Variants in MON2 observed in about 807,000 individuals in gnomAD.
MON2 encodes MON2 regulator of endosome-to-Golgi trafficking.
MON2 carries 84 observed loss-of-function variants against 208.6 expected under a neutral mutation model. The ratio of observed to expected loss-of-function variants is 0.40; its 90% confidence interval spans 0.34 to 0.48. The LOEUF is 0.48. Ranked by LOEUF, MON2 falls within the 20% of genes least tolerant of loss-of-function variation. MON2 has a pLI of 0.59. For synonymous variants in MON2, 660 were observed against 694.0 expected, an observed-to-expected ratio of 0.95 and a Z score of 0.77; for missense variants, 1,611 against 2,015.4, an observed-to-expected ratio of 0.80 and a Z score of 3.84.
rs559439127 is a variant in MON2, at chr12:62,598,828, A to G, written c.*6079A>G. 1.4e-4 allele frequency: 21 copies of G among 152,316 alleles called. No homozygotes were observed. The South Asian group carries it at 2.3e-3, about 17-fold the overall frequency. The allele number at this position is 152,316 out of a possible 1,614,324, so 9.4% of individuals were successfully genotyped here. A position where few individuals can be genotyped will look rare whatever the true frequency, so the allele number is the denominator to read the frequency against. On this transcript the variant is annotated 3_prime_UTR_variant, in exon 35 of 35. Coordinates refer to ENST00000393630, the MANE Select transcript of MON2 (RefSeq NM_015026.3). The stretch of plus-strand genomic sequence containing the variant: ...GATTTTTCATGAAAGCTATATAGTT[A>G]TAACTGTGATTGTACAGATTGTTTA...
chr12:62,500,396 A>T (rs1279988893), intron 5 of MON2, among the ~76,000 whole-genome samples: 1 of 152,174 alleles, frequency 6.6e-6, no homozygotes, highest in Non-Finnish European at 1.5e-5. Flanking sequence ...GAAAATAGTG[A>T]AATGGTAGAG....
chr12:62,510,852 T>C lies in MON2; in HGVS notation c.984+2372T>C, dbSNP rs78210975. ...CACATTGGAAAGGAAGAAGTAACAT[T>C]ATCTCTGTTTGCTAATGTATGTTTT... On this transcript the variant is annotated intron_variant, in intron 8 of 34. Coordinates refer to ENST00000393630, the MANE Select transcript of MON2 (RefSeq NM_015026.3). Among the ~76,000 whole-genome samples the C allele has an allele frequency of 8.4e-3, 1,278 of 152,290 alleles. 18 individuals are homozygous for C. Among genetic ancestry groups the C allele is most frequent in the African/African-American group, 0.028 (1,181 of 41,546 alleles).
intron 26 of MON2, among the ~76,000 whole-genome samples, chr12:62,562,571 G>A (rs2074238249): frequency 6.6e-6 from 1 of 151,916 alleles, no homozygotes; most frequent in East Asian, 1.9e-4. Context: ...TTTTTAATGG[G>A]TTTCTAGTAT....
chr12:62,561,762 A>C (rs1254673105), intron 26 of MON2, among the ~76,000 whole-genome samples: 2 of 152,168 alleles, frequency 1.3e-5, no homozygotes, highest in South Asian at 4.1e-4. Context: ...AAAAATGCCA[A>C]CTGAGTAGCC....
At chr12:62,566,075 A>G in intron 28 of MON2, 44 bp downstream of exon 28, 2 of 1,569,898 alleles carry the variant, frequency 1.3e-6, no homozygotes, top group Non-Finnish European at 1.7e-6. Context: ...TTGGCAACAA[A>G]TAAAGTACAT....
rs919704919 is a variant in MON2, at chr12:62,489,950, T to G, written c.176-3965T>G. On this transcript the variant is annotated intron_variant, in intron 2 of 34. Coordinates refer to ENST00000393630, the MANE Select transcript of MON2 (RefSeq NM_015026.3). ...GAATTGAAGTTTATTTTTTAATGGC[T>G]GTTAAAATTTTTCACAATAAAACTT... The G allele has an allele frequency of 5.6e-6, 4 of 711,026 alleles. No homozygotes were observed. In the African/African-American group the frequency reaches 7.6e-5, roughly 14 times the overall value. The allele number at this position is 711,026 out of a possible 1,614,324, so 44.0% of individuals were successfully genotyped here.
chr12:62,499,178 A>G, intron 5 of MON2, 130 bp downstream of exon 5: 9 of 943,952 alleles, frequency 9.5e-6, no homozygotes, highest in Non-Finnish European at 1.3e-5. Flanking sequence ...TAAATTCCTC[A>G]CAATTTGATC....
At chr12:62,557,960 ATATTTTTTTTTT>A (rs1350228467) in intron 25 of MON2, among the ~76,000 whole-genome samples, 2 of 24,482 alleles carry the variant, frequency 8.2e-5, no homozygotes, top group East Asian at 3.1e-3. Context: ...ATATATATAT[ATATTTTTTTTTT>A]TTTTTTTTTT....
At chr12:62,475,690 A>T (rs1592806223) in intron 1 of MON2, among the ~76,000 whole-genome samples, 1 of 147,084 alleles carries the variant, frequency 6.8e-6, no homozygotes, top group East Asian at 2.2e-4. Context: ...AGCGTGAGCC[A>T]CCACACCCAT....
chr12:62,584,611 G>A (rs1337698234), intron 32 of MON2, among the ~76,000 whole-genome samples: 9 of 149,206 alleles, frequency 6.0e-5, no homozygotes, highest in African/African-American at 2.2e-4. Context: ...GCTGAGGCAG[G>A]AGAATTGCTT....
intron 24 of MON2, 164 bp downstream of exon 24, chr12:62,553,338 A>G: frequency 1.7e-6 from 1 of 594,880 alleles, no homozygotes; most frequent in Non-Finnish European, 2.8e-6. Flanking sequence ...GTACCTCATA[A>G]AGAGCAAATT....
chr12:62,592,833 T>G lies in MON2; in HGVS notation c.*84T>G. 1 of 1,336,678 alleles carries G rather than the reference T, an allele frequency of 7.5e-7. No homozygotes were observed. Among genetic ancestry groups the G allele is most frequent in the Non-Finnish European group, 1.0e-6 (1 of 988,380 alleles). 82.8% of individuals were successfully genotyped at this position (1,336,678 alleles called of 1,614,324 possible). ...AGTCTTCTGTGAGAAGGACATTTCT[T>G]ACTGCAGATAATTCTTGGCAGCTGT... On this transcript the variant is annotated 3_prime_UTR_variant, in exon 35 of 35. Coordinates refer to ENST00000393630, the MANE Select transcript of MON2 (RefSeq NM_015026.3).
chr12:62,563,988 G>C (rs999781573), intron 26 of MON2, among the ~76,000 whole-genome samples: 9 of 152,048 alleles, frequency 5.9e-5, no homozygotes, highest in African/African-American at 2.2e-4. Context: ...AGTCAGTAAA[G>C]AGAATTTTTA....
intron 8 of MON2, 24 bp from the exon 9 acceptor site, chr12:62,524,491 G>A (rs768445382): frequency 3.2e-6 from 5 of 1,560,828 alleles, no homozygotes; most frequent in Non-Finnish European, 4.4e-6. Context: ...CAAAGAAATA[G>A]TATTAAAAAT....
intron 8 of MON2, 62 bp from the exon 9 acceptor site, chr12:62,524,453 A>G (rs2072230816): frequency 3.7e-6 from 5 of 1,367,334 alleles, no homozygotes; most frequent in Admixed American, 3.6e-5. Context: ...AAGAATAAGA[A>G]CACAGTCTAT....
intron 2 of MON2, among the ~76,000 whole-genome samples, chr12:62,491,052 T>C (rs2070101398): frequency 6.6e-6 from 1 of 152,216 alleles, no homozygotes; most frequent in Non-Finnish European, 1.5e-5. Flanking sequence ...TTTTTCAATA[T>C]GTGCATGAAC....
At chr12:62,559,075 C>CAGAT (rs2074103103) in intron 25 of MON2, among the ~76,000 whole-genome samples, 1 of 152,086 alleles carries the variant, frequency 6.6e-6, no homozygotes, top group South Asian at 2.1e-4. Flanking sequence ...CCAGAGTAGG[C>CAGAT]AGATAGTACC....
intron 8 of MON2, among the ~76,000 whole-genome samples, chr12:62,509,444 T>C (rs1036240470): frequency 6.6e-6 from 1 of 152,156 alleles, no homozygotes; most frequent in Non-Finnish European, 1.5e-5. Flanking sequence ...AATATAATAA[T>C]AGTAGAAGAC....
chr12:62,506,721 A>G (rs1436163295), intron 7 of MON2, among the ~76,000 whole-genome samples: 9 of 84,584 alleles, frequency 1.1e-4, no homozygotes, highest in African/African-American at 5.0e-4. Context: ...GTGAAACTCC[A>G]TCTCAAAAAA....
Sources: allele counts gnomAD v4.1 joint callset (sites outside exome capture counted in the v4.1 genomes callset), GRCh38; gene constraint gnomAD v4.1.1; transcripts MANE v1.5; gene names NCBI Gene and HGNC (gene_info 2026-07-23, HGNC 2026-07-21).